The following CADM2 variants were observed in gnomAD, a reference collection of about 807,000 sequenced individuals.
CADM2 encodes cell adhesion molecule 2.
CADM2 carries 12 observed loss-of-function variants against 49.8 expected under a neutral mutation model. That is an observed-to-expected ratio of 0.24 (90% confidence interval 0.15 to 0.39). The LOEUF is 0.39. CADM2 is among the 10% of genes least tolerant of loss of function. The probability of loss-of-function intolerance (pLI) is 1.00; values close to 1 mark genes in which losing one functional copy is unlikely to be tolerated. For synonymous variants in CADM2, 214 were observed against 175.4 expected, an observed-to-expected ratio of 1.22 and a Z score of -1.74; for missense variants, 378 against 492.3, an observed-to-expected ratio of 0.77 and a Z score of 2.20.
intron 1 of CADM2, among the ~76,000 whole-genome samples, chr3:85,196,438 C>A (rs531626634): frequency 6.6e-6 from 1 of 151,898 alleles, no homozygotes; most frequent in East Asian, 1.9e-4. Context: ...CAAATGCCTA[C>A]CTTGTTATAA....
chr3:85,227,029 A>T (rs1339655243), intron 1 of CADM2, among the ~76,000 whole-genome samples: 1 of 152,096 alleles, frequency 6.6e-6, no homozygotes, highest in African/African-American at 2.4e-5. Context: ...TTTGCTGAGG[A>T]GTGTTTTACT....
chr3:85,502,140 T>C (rs1264757746), intron 1 of CADM2, among the ~76,000 whole-genome samples: 2 of 152,286 alleles, frequency 1.3e-5, no homozygotes, highest in Non-Finnish European at 2.9e-5. Flanking sequence ...GAGTAAGTAA[T>C]TGAGTAGATG....
intron 1 of CADM2, among the ~76,000 whole-genome samples, chr3:85,061,865 C>T: frequency 6.6e-6 from 1 of 151,860 alleles, no homozygotes; most frequent in Non-Finnish European, 1.5e-5. Flanking sequence ...TACTTTCTTC[C>T]CTTCTGAATC....
At chr3:86,061,079 A>G (rs1004288615) in intron 8 of CADM2, among the ~76,000 whole-genome samples, 2 of 152,072 alleles carry the variant, frequency 1.3e-5, no homozygotes, top group African/African-American at 4.8e-5. Context: ...GTTTAAGCAC[A>G]GAAAATAACA....
chr3:85,959,898 C>T (rs770378961), intron 7 of CADM2, among the ~76,000 whole-genome samples: 1 of 151,958 alleles, frequency 6.6e-6, no homozygotes, highest in East Asian at 2.0e-4. Context: ...CTTAATAACA[C>T]ATTTCTCAGG....
At chr3:85,337,764 TGC>T (rs1251939956) in intron 1 of CADM2, among the ~76,000 whole-genome samples, 1 of 151,506 alleles carries the variant, frequency 6.6e-6, no homozygotes, top group East Asian at 1.9e-4. Context: ...CAGACCGGCA[TGC>T]TAAATGAGTA....
chr3:85,592,514 G>T (rs563274476), intron 1 of CADM2, among the ~76,000 whole-genome samples: 20 of 151,960 alleles, frequency 1.3e-4, no homozygotes, highest in African/African-American at 4.6e-4. Flanking sequence ...TTGCCCACAG[G>T]AATCATAGGT....
intron 2 of CADM2, among the ~76,000 whole-genome samples, chr3:85,797,547 C>T (rs565182028): frequency 2.1e-4 from 32 of 152,204 alleles, no homozygotes; most frequent in African/African-American, 7.2e-4. Context: ...CTGAGAATGA[C>T]GGTTTCCAGA....
chr3:85,215,344 AGTTCTCTCTTTTTT>A, intron 1 of CADM2, among the ~76,000 whole-genome samples: 1 of 140,556 alleles, frequency 7.1e-6, no homozygotes. Flanking sequence ...GCAACACCAA[AGTTCTCTCTTTTTT>A]AAAAAAAAAA....
At chr3:86,059,838 TA>T (rs1412835733) in intron 8 of CADM2, among the ~76,000 whole-genome samples, 1 of 152,058 alleles carries the variant, frequency 6.6e-6, no homozygotes, top group East Asian at 1.9e-4. Context: ...TTGCTAAGAA[TA>T]AAAACTTAAG....
chr3:84,973,302 G>A (rs532884498), intron 1 of CADM2, among the ~76,000 whole-genome samples: 1 of 152,206 alleles, frequency 6.6e-6, no homozygotes, highest in South Asian at 2.1e-4. Context: ...CAATGAGGAT[G>A]TGAAATCACT....
chr3:85,574,915 C>G (rs2107263837), intron 1 of CADM2, among the ~76,000 whole-genome samples: 1 of 152,262 alleles, frequency 6.6e-6, no homozygotes, highest in African/African-American at 2.4e-5. Flanking sequence ...AATCCCAGAA[C>G]CCCATCCCTT....
At chr3:85,522,572 A>G (rs1559884703) in intron 1 of CADM2, among the ~76,000 whole-genome samples, 2 of 152,130 alleles carry the variant, frequency 1.3e-5, no homozygotes, top group East Asian at 3.8e-4. Flanking sequence ...ATTAGTATAA[A>G]CAAGTCTGGA....
chr3:85,722,979 G>T (rs1202697711), intron 1 of CADM2, among the ~76,000 whole-genome samples: 1 of 152,082 alleles, frequency 6.6e-6, no homozygotes, highest in African/African-American at 2.4e-5. Flanking sequence ...ATGATTATTT[G>T]TACTGATGTT....
At chr3:84,987,061 A>G (rs1168313764) in intron 1 of CADM2, among the ~76,000 whole-genome samples, 2 of 151,820 alleles carry the variant, frequency 1.3e-5, no homozygotes, top group Non-Finnish European at 2.9e-5. Flanking sequence ...TCAAAAACAA[A>G]ACAAAACAAA....
chr3:85,572,175 G>T (rs1358608405), intron 1 of CADM2, among the ~76,000 whole-genome samples: 1 of 152,052 alleles, frequency 6.6e-6, no homozygotes, highest in African/African-American at 2.4e-5. Context: ...CGGATGCCTG[G>T]AATCTCAGCT....
intron 1 of CADM2, among the ~76,000 whole-genome samples, chr3:85,657,932 C>G (rs757314685): frequency 6.6e-5 from 10 of 151,524 alleles, no homozygotes; most frequent in Non-Finnish European, 8.8e-5. Flanking sequence ...AATTGGAAGA[C>G]GAGATTGAAC....
At chr3:85,300,862 C>A (rs1457406884) in intron 1 of CADM2, among the ~76,000 whole-genome samples, 1 of 151,750 alleles carries the variant, frequency 6.6e-6, no homozygotes, top group Non-Finnish European at 1.5e-5. Flanking sequence ...TGGAATTTTG[C>A]ACCATGAGCT....
intron 6 of CADM2, among the ~76,000 whole-genome samples, chr3:85,929,220 T>A (rs1720293941): frequency 6.6e-6 from 1 of 152,114 alleles, no homozygotes; most frequent in Non-Finnish European, 1.5e-5. Context: ...GGAATAAATG[T>A]AACACACCTT....
Sources: gnomAD v4.1 joint callset for allele counts (sites outside exome capture counted in the v4.1 genomes callset) on GRCh38, gnomAD v4.1.1 for gene constraint, MANE v1.5 for transcripts, NCBI Gene and HGNC (gene_info 2026-07-23, HGNC 2026-07-21) for gene names.